Variants in AGBL3 observed in about 807,000 individuals in gnomAD.
The protein encoded by AGBL3 is cytosolic carboxypeptidase 3.
AGBL3 carries 68 observed loss-of-function variants against 94.5 expected under a neutral mutation model. The ratio of observed to expected loss-of-function variants is 0.72; its 90% CI spans 0.59 to 0.88. The LOEUF is 0.88. AGBL3 is among the 40% of genes least tolerant of loss of function. The pLI is 0.00. For missense variants in AGBL3, 934 were observed against 1,103.8 expected (o/e 0.85, Z 2.18); for synonymous variants, 354 against 370.7 (o/e 0.95, Z 0.52).
chr7:135,079,864 G>A (rs1820776123), intron 13 of AGBL3, among the ~76,000 whole-genome samples: 2 of 151,762 alleles, frequency 1.3e-5, no homozygotes, highest in African/African-American at 4.8e-5. Flanking sequence ...TCCCATGTTT[G>A]TTGTTCTAAT....
chr7:135,031,989 G>C (rs1815793265), intron 5 of AGBL3, among the ~76,000 whole-genome samples: 1 of 152,016 alleles, frequency 6.6e-6, no homozygotes, highest in African/African-American at 2.4e-5. Context: ...CTGGTGTCCT[G>C]ACCCACAAAT....
intron 16 of AGBL3, among the ~76,000 whole-genome samples, chr7:135,121,461 C>A (rs1406829758): frequency 6.6e-6 from 1 of 151,552 alleles, no homozygotes; most frequent in South Asian, 2.1e-4. Context: ...ATGAAATAAA[C>A]CTCAACATAT....
At chr7:135,000,283 T>C (rs1443262791) in intron 4 of AGBL3, among the ~76,000 whole-genome samples, 1 of 152,244 alleles carries the variant, frequency 6.6e-6, no homozygotes, top group Admixed American at 6.5e-5. Context: ...ACATTATTTC[T>C]GGATGTGCCT....
intron 16 of AGBL3, among the ~76,000 whole-genome samples, chr7:135,121,551 G>C (rs1440319380): frequency 1.4e-5 from 2 of 145,680 alleles, no homozygotes; most frequent in East Asian, 2.0e-4. Flanking sequence ...AAGGGTAATA[G>C]GAAAAAAAAA....
At chr7:135,065,556 G>C (rs1227928039) in intron 12 of AGBL3, among the ~76,000 whole-genome samples, 2 of 152,146 alleles carry the variant, frequency 1.3e-5, no homozygotes, top group Non-Finnish European at 2.9e-5. Flanking sequence ...TTTGACAAGG[G>C]TGCTAAGAAT....
At position 135,017,039 on chromosome 7, in the gene AGBL3, CT is replaced by C. The variant is rs527366221; in HGVS notation, c.311-5del. ...GAAGTCATCTTCAAATAATGTTTCACTTTTTTTTCCAGATTGGACTCCTTCT... is the reference window on the plus strand; with the variant it reads ...GAAGTCATCTTCAAATAATGTTTCACTTTTTTTCCAGATTGGACTCCTTCT... On this transcript the variant is annotated splice_polypyrimidine_tract_variant and intron_variant, in intron 4 of 16. Coordinates refer to ENST00000436302, the MANE Select transcript of AGBL3 (RefSeq NM_178563.4). The C allele has an allele frequency of 7.1e-5, 105 of 1,477,438 alleles. No homozygotes were observed. Among genetic ancestry groups the C allele is most frequent in the Non-Finnish European group, 8.7e-5 (94 of 1,084,160 alleles). The allele number at this position is 1,477,438 out of a possible 1,614,324, so 91.5% of individuals were successfully genotyped here.
intron 4 of AGBL3, among the ~76,000 whole-genome samples, chr7:134,997,120 C>CATCAGGCATTAGT (rs1303722097): frequency 6.6e-6 from 1 of 152,180 alleles, no homozygotes; most frequent in Admixed American, 6.5e-5. Flanking sequence ...CACCTCAGAG[C>CATCAGGCATTAGT]ATCAGGCATT....
intron 16 of AGBL3, chr7:135,128,705 G>A: frequency 4.4e-6 from 6 of 1,361,988 alleles, no homozygotes; most frequent in Non-Finnish European, 6.2e-6. Context: ...TTGAGCTCAA[G>A]ATTGATTCTC....
chr7:135,121,270 G>A (rs977288631), intron 16 of AGBL3, among the ~76,000 whole-genome samples: 6 of 152,050 alleles, frequency 3.9e-5, no homozygotes, highest in Admixed American at 1.3e-4. Flanking sequence ...AAAACAGAAA[G>A]GAGAAATAGA....
intron 12 of AGBL3, among the ~76,000 whole-genome samples, chr7:135,066,790 G>T (rs1166910535): frequency 6.6e-6 from 1 of 152,186 alleles, no homozygotes; most frequent in East Asian, 1.9e-4. Context: ...AACAGCTCCA[G>T]TCTACAGTTC....
chr7:135,116,533 G>A (rs1826336446), intron 16 of AGBL3, among the ~76,000 whole-genome samples: 1 of 152,180 alleles, frequency 6.6e-6, no homozygotes, highest in Non-Finnish European at 1.5e-5. Flanking sequence ...GAGAGAAAGA[G>A]GTACTTCATT....
chr7:134,997,942 C>T (rs1310498040), intron 4 of AGBL3, among the ~76,000 whole-genome samples: 1 of 152,192 alleles, frequency 6.6e-6, no homozygotes, highest in Non-Finnish European at 1.5e-5. Context: ...CAAACTTGTA[C>T]ATAAATATTC....
intron 5 of AGBL3, 106 bp from the exon 6 acceptor site, chr7:135,032,738 A>T: frequency 9.1e-7 from 1 of 1,097,358 alleles, no homozygotes; most frequent in Non-Finnish European, 1.2e-6. Flanking sequence ...CAGTTACTTT[A>T]AAATTTACAA....
chr7:134,987,438 A>T (rs577288720), intron 1 of AGBL3, among the ~76,000 whole-genome samples: 3 of 152,252 alleles, frequency 2.0e-5, no homozygotes, highest in African/African-American at 7.2e-5. Context: ...ACAGAATAAT[A>T]ATCAAAATGT....
chr7:135,025,302 G>A (rs1358475578), intron 5 of AGBL3, among the ~76,000 whole-genome samples: 1 of 151,414 alleles, frequency 6.6e-6, no homozygotes, highest in African/African-American at 2.4e-5. Flanking sequence ...GCCAGAAGGG[G>A]GCCTATTTTC....
intron 11 of AGBL3, among the ~76,000 whole-genome samples, chr7:135,053,323 C>A (rs1408315287): frequency 1.3e-5 from 2 of 151,908 alleles, no homozygotes; most frequent in African/African-American, 4.8e-5. Flanking sequence ...AAGGATTCAG[C>A]CAGGCCGGGC....
intron 15 of AGBL3, among the ~76,000 whole-genome samples, chr7:135,082,559 A>C (rs1396148837): frequency 8.8e-6 from 1 of 113,844 alleles, no homozygotes; most frequent in Non-Finnish European, 2.0e-5. Flanking sequence ...CCATTAATGC[A>C]GTTTAAGATT....
At chr7:135,009,651 A>G (rs1812857184) in intron 4 of AGBL3, among the ~76,000 whole-genome samples, 1 of 152,198 alleles carries the variant, frequency 6.6e-6, no homozygotes. Flanking sequence ...ACACAACACC[A>G]CAAGAATAAC....
intron 12 of AGBL3, among the ~76,000 whole-genome samples, chr7:135,073,724 A>C (rs982145161): frequency 1.3e-5 from 2 of 151,942 alleles, no homozygotes; most frequent in Non-Finnish European, 2.9e-5. Flanking sequence ...TTGAGCAAGC[A>C]GGGGGTACGT....
Sources: allele counts gnomAD v4.1 joint callset (sites outside exome capture counted in the v4.1 genomes callset), GRCh38; gene constraint gnomAD v4.1.1; transcripts MANE v1.5; gene names NCBI Gene and HGNC (gene_info 2026-07-23, HGNC 2026-07-21).